KCNAB1: variants seen among roughly 807,000 people sequenced by gnomAD.
The protein encoded by KCNAB1 is potassium voltage-gated channel subfamily A regulatory beta subunit 1, also known as voltage-gated potassium channel subunit beta-1.
Under a neutral mutation model 64.6 loss-of-function variants are expected in KCNAB1, and 35 were observed. The observed-to-expected ratio is 0.54, with a 90% confidence interval of 0.41 to 0.72. KCNAB1 has a LOEUF of 0.72. KCNAB1 is among the 30% of genes least tolerant of loss of function. The pLI is 0.00. For synonymous variants in KCNAB1, 177 were observed against 183.8 expected, an observed-to-expected ratio of 0.96 and a Z score of 0.30; for missense variants, 401 against 512.9, an observed-to-expected ratio of 0.78 and a Z score of 2.11.
intron 1 of KCNAB1, among the ~76,000 whole-genome samples, chr3:156,322,585 A>G (rs1722732610): frequency 2.6e-5 from 4 of 152,212 alleles, no homozygotes; most frequent in Non-Finnish European, 5.9e-5. Context: ...TGAGCTTCTT[A>G]TATCCATTGT....
At chr3:156,185,234 C>G (rs1194379475) in intron 1 of KCNAB1, among the ~76,000 whole-genome samples, 1 of 152,188 alleles carries the variant, frequency 6.6e-6, no homozygotes, top group Non-Finnish European at 1.5e-5. Context: ...GGCTGAGCAT[C>G]TTCTATGGTT....
intron 1 of KCNAB1, among the ~76,000 whole-genome samples, chr3:156,384,108 G>C (rs1033056566): frequency 6.6e-6 from 1 of 152,218 alleles, no homozygotes; most frequent in East Asian, 1.9e-4. Flanking sequence ...TTAAAGGGTT[G>C]TATAAAATTA....
In KCNAB1 at chr3:156,523,960, C is replaced by G; in HGVS notation, c.1081+13C>G. 2 of 1,613,168 alleles carry G rather than the reference C, an allele frequency of 1.2e-6. No individual in the cohort carries two copies. The highest frequency in any genetic ancestry group is 1.7e-6 in the Non-Finnish European group (2 of 1,179,572). On this transcript the variant is annotated intron_variant, in intron 12 of 13. Transcript: ENST00000490337. The stretch of plus-strand genomic sequence containing the variant: ...CAGCTAGCTGTTGGTAAGAAAATTA[C>G]TAAGCTATGGGGTGGTAGAGGGACT...
intron 2 of KCNAB1, among the ~76,000 whole-genome samples, chr3:156,439,641 G>A (rs992211650): frequency 1.4e-4 from 21 of 152,122 alleles, no homozygotes; most frequent in Admixed American, 1.3e-3. Context: ...CTCTCTTATC[G>A]TAAGCAGTCC....
At chr3:156,403,831 T>C (rs1454611234) in intron 1 of KCNAB1, among the ~76,000 whole-genome samples, 1 of 151,354 alleles carries the variant, frequency 6.6e-6, no homozygotes, top group Admixed American at 6.6e-5. Flanking sequence ...GAGATGGAGG[T>C]TGCAGTGAGC....
chr3:156,356,068 G>A (rs1458616503), intron 1 of KCNAB1, among the ~76,000 whole-genome samples: 3 of 148,820 alleles, frequency 2.0e-5, no homozygotes, highest in Non-Finnish European at 3.0e-5. Context: ...GCTACAGTGA[G>A]CCATGATCAT....
intron 13 of KCNAB1, among the ~76,000 whole-genome samples, chr3:156,535,857 G>T (rs1719019566): frequency 6.6e-6 from 1 of 152,118 alleles, no homozygotes; most frequent in Non-Finnish European, 1.5e-5. Flanking sequence ...CCAGGTGTCT[G>T]ATAGGGTTAC....
At chr3:156,269,825 A>G (rs2108490093) in intron 1 of KCNAB1, among the ~76,000 whole-genome samples, 1 of 151,320 alleles carries the variant, frequency 6.6e-6, no homozygotes, top group East Asian at 1.9e-4. Flanking sequence ...TGCATGGAGT[A>G]TCTTTTTCCA....
At chr3:156,124,876 A>G (rs1207058703) in intron 1 of KCNAB1, among the ~76,000 whole-genome samples, 2 of 152,280 alleles carry the variant, frequency 1.3e-5, no homozygotes, top group East Asian at 1.9e-4. Flanking sequence ...ATGGTGGCTC[A>G]TGCCTGTAAT....
intron 1 of KCNAB1, among the ~76,000 whole-genome samples, chr3:156,126,090 G>A (rs1476162375): frequency 6.6e-6 from 1 of 152,148 alleles, no homozygotes; most frequent in Non-Finnish European, 1.5e-5. Context: ...GATGGGGAGG[G>A]GAAGGCAATC....
intron 1 of KCNAB1, among the ~76,000 whole-genome samples, chr3:156,132,741 G>C (rs1321366393): frequency 1.3e-5 from 2 of 152,190 alleles, no homozygotes; most frequent in Non-Finnish European, 2.9e-5. Context: ...CATTTAAACA[G>C]TGTAATCATT....
chr3:156,203,415 G>T (rs972395400), intron 1 of KCNAB1, among the ~76,000 whole-genome samples: 1 of 152,168 alleles, frequency 6.6e-6, no homozygotes, highest in Non-Finnish European at 1.5e-5. Flanking sequence ...ATAGCATTGG[G>T]TTTAAAACTC....
At chr3:156,469,102 A>G (rs1713660429) in intron 7 of KCNAB1, among the ~76,000 whole-genome samples, 1 of 152,250 alleles carries the variant, frequency 6.6e-6, no homozygotes, top group African/African-American at 2.4e-5. Flanking sequence ...AAAATGGTTC[A>G]CACTGGCAGT....
chr3:156,262,465 C>G (rs1406219261), intron 1 of KCNAB1, among the ~76,000 whole-genome samples: 1 of 151,834 alleles, frequency 6.6e-6, no homozygotes, highest in Non-Finnish European at 1.5e-5. Flanking sequence ...TTCTTTTCCT[C>G]TTATTCTATT....
At chr3:156,462,330 T>C (rs1400504614) in intron 5 of KCNAB1, among the ~76,000 whole-genome samples, 1 of 152,250 alleles carries the variant, frequency 6.6e-6, no homozygotes, top group Non-Finnish European at 1.5e-5. Context: ...ATATGCAGCT[T>C]TGAATAATCA....
intron 1 of KCNAB1, among the ~76,000 whole-genome samples, chr3:156,162,264 A>T (rs1436016885): frequency 2.1e-5 from 3 of 142,840 alleles, no homozygotes; most frequent in Non-Finnish European, 4.7e-5. Flanking sequence ...TTTTTTTTTT[A>T]ATTTTTAGCA....
At chr3:156,150,141 A>C (rs1715315507) in intron 1 of KCNAB1, among the ~76,000 whole-genome samples, 1 of 152,216 alleles carries the variant, frequency 6.6e-6, no homozygotes, top group Admixed American at 6.5e-5. Context: ...AAGATGGCTC[A>C]GGCTCAGGAC....
intron 1 of KCNAB1, among the ~76,000 whole-genome samples, chr3:156,393,403 T>G (rs1202359966): frequency 6.6e-6 from 1 of 152,030 alleles, no homozygotes; most frequent in Non-Finnish European, 1.5e-5. Context: ...ATGCCCTCCT[T>G]CTCCCCCAGT....
chr3:156,272,947 C>G (rs1196068266), intron 1 of KCNAB1, among the ~76,000 whole-genome samples: 1 of 151,978 alleles, frequency 6.6e-6, no homozygotes, highest in Non-Finnish European at 1.5e-5. Flanking sequence ...AGGAGCAGTT[C>G]CTTTTCTTAG....
Sources: gnomAD v4.1 joint callset for allele counts (sites outside exome capture counted in the v4.1 genomes callset) on GRCh38, gnomAD v4.1.1 for gene constraint, MANE v1.5 for transcripts, NCBI Gene and HGNC (gene_info 2026-07-23, HGNC 2026-07-21) for gene names.